The following USH2A variants were observed in gnomAD, a reference collection of about 807,000 sequenced individuals.
USH2A encodes usherin, also known as Usher syndrome 2A (autosomal recessive, mild).
A neutral mutation model predicts 538.9 loss-of-function variants in USH2A; 443 were observed. The observed-to-expected ratio is 0.82, with a 90% CI of 0.76 to 0.89. USH2A has a LOEUF of 0.89. Among genes scored for constraint, USH2A ranks in the 40% least tolerant of loss-of-function variants. USH2A has a pLI of 0.00. For synonymous variants in USH2A, 2,413 were observed against 2,273.5 expected (o/e 1.06, Z -1.75); for missense variants, 6,633 against 6,324.8 (o/e 1.05, Z -1.65).
At chr1:215,733,990 G>A (rs986012055) in intron 60 of USH2A, among the ~76,000 whole-genome samples, 2 of 152,212 alleles carry the variant, frequency 1.3e-5, no homozygotes, top group African/African-American at 4.8e-5. Flanking sequence ...GCGCCCTGAT[G>A]GAGACTCTGT....
intron 37 of USH2A, among the ~76,000 whole-genome samples, chr1:215,944,786 ACATT>A (rs1666717632): frequency 6.6e-6 from 1 of 152,144 alleles, no homozygotes; most frequent in Non-Finnish European, 1.5e-5. Context: ...CTTTTTTACA[ACATT>A]CAAAGTTATA....
At chr1:216,321,070 A>G (rs2037598569) in intron 9 of USH2A, among the ~76,000 whole-genome samples, 1 of 152,152 alleles carries the variant, frequency 6.6e-6, no homozygotes, top group Non-Finnish European at 1.5e-5. Flanking sequence ...TTTTTCACTA[A>G]AAGTTTAAGC....
At chr1:215,640,764 AG>A (rs774393608) in intron 67 of USH2A, 30 bp from the exon 68 acceptor site, 1 of 1,611,766 alleles carries the variant, frequency 6.2e-7, no homozygotes, top group South Asian at 1.1e-5. Flanking sequence ...TGTTCTAAAA[AG>A]GGTAACCTCT....
intron 52 of USH2A, among the ~76,000 whole-genome samples, chr1:215,784,513 G>A (rs1163527045): frequency 6.6e-6 from 1 of 151,960 alleles, no homozygotes; most frequent in Non-Finnish European, 1.5e-5. Flanking sequence ...AAAAATTATT[G>A]TTTGTCATCA....
intron 22 of USH2A, among the ~76,000 whole-genome samples, 186 bp from the exon 23 acceptor site, chr1:216,089,325 T>C (rs2032234642): frequency 6.6e-6 from 1 of 152,130 alleles, no homozygotes; most frequent in African/African-American, 2.4e-5. Flanking sequence ...CTGTGATGTA[T>C]TAATACTTCC....
Position 216,423,361 on chromosome 1 carries a change from T to C in USH2A, c.-352A>G, listed in dbSNP as rs1558082940. 6.6e-6 allele frequency: 1 copy of C among 152,152 alleles called. No individual in the cohort carries two copies. The highest frequency in any genetic ancestry group is 2.4e-5 in the African/African-American group (1 of 41,430). The allele number at this position is 152,152 out of a possible 1,614,324, so 9.4% of individuals were successfully genotyped here. A position where few individuals can be genotyped will look rare whatever the true frequency, so the allele number is the denominator to read the frequency against. ...GCAGCAGGAATGCTGGAAGGAAGAC[T>C]TGGGTGCCCAGGTAAAGTATTCTGC... is the stretch of plus-strand genomic sequence containing the variant. On this transcript the variant is annotated 5_prime_UTR_variant, in exon 1 of 72. Coordinates refer to ENST00000307340, the MANE Select transcript of USH2A (RefSeq NM_206933.4).
chr1:215,882,051 T>G (rs975628287), intron 41 of USH2A, among the ~76,000 whole-genome samples: 5 of 152,218 alleles, frequency 3.3e-5, no homozygotes, highest in African/African-American at 4.8e-5. Context: ...AGTAAGCAAC[T>G]TCCTCACTTC....
chr1:216,415,508 C>CTTTTTTTTTTTTTTTT (rs71161423), intron 3 of USH2A, among the ~76,000 whole-genome samples: 6 of 96,908 alleles, frequency 6.2e-5, no homozygotes, highest in African/African-American at 1.5e-4. Context: ...CTTCCTGTCA[C>CTTTTTTTTTTTTTTTT]TTTTTTTTTT....
At chr1:216,309,690 A>G (rs536825057) in intron 9 of USH2A, among the ~76,000 whole-genome samples, 10 of 152,150 alleles carry the variant, frequency 6.6e-5, no homozygotes, top group African/African-American at 2.2e-4. Flanking sequence ...GTTTTTATAC[A>G]TATTTTCTAT....
intron 41 of USH2A, among the ~76,000 whole-genome samples, chr1:215,883,971 A>G (rs1157669920): frequency 6.6e-6 from 1 of 152,130 alleles, no homozygotes; most frequent in Non-Finnish European, 1.5e-5. Context: ...CAAACACCTC[A>G]TGTTCCAAAC....
chr1:216,331,111 G>A (rs1392847313), intron 4 of USH2A, among the ~76,000 whole-genome samples: 1 of 152,014 alleles, frequency 6.6e-6, no homozygotes, highest in Non-Finnish European at 1.5e-5. Flanking sequence ...GTTACAGCAA[G>A]TTTTCTAAAG....
chr1:216,015,001 C>A (rs905370528), intron 32 of USH2A, among the ~76,000 whole-genome samples: 1 of 152,046 alleles, frequency 6.6e-6, no homozygotes, highest in African/African-American at 2.4e-5. Flanking sequence ...TTTTTTGCTT[C>A]TTTATGATCT....
At chr1:216,134,205 G>A (rs992118252) in intron 21 of USH2A, among the ~76,000 whole-genome samples, 1 of 152,006 alleles carries the variant, frequency 6.6e-6, no homozygotes, top group Non-Finnish European at 1.5e-5. Flanking sequence ...CCAGAGGAAA[G>A]CATATAGAAC....
chr1:215,888,338 T>G, intron 41 of USH2A, 88 bp downstream of exon 41: 1 of 1,589,954 alleles, frequency 6.3e-7, no homozygotes, highest in Non-Finnish European at 8.5e-7. Flanking sequence ...ATGCGTTTGT[T>G]TAGTCAGTAG....
At chr1:216,074,219 G>A (rs2031669335) in intron 27 of USH2A, among the ~76,000 whole-genome samples, 1 of 152,164 alleles carries the variant, frequency 6.6e-6, no homozygotes, top group African/African-American at 2.4e-5. Flanking sequence ...ATGCTATTTT[G>A]TGAAAACAGA....
At chr1:216,370,095 G>C (rs113760772) in intron 3 of USH2A, among the ~76,000 whole-genome samples, 1 of 151,894 alleles carries the variant, frequency 6.6e-6, no homozygotes, top group Admixed American at 6.6e-5. Flanking sequence ...ACAATGGCGC[G>C]TGCCTGTAAT....
chr1:215,821,664 T>C (rs760753899), intron 47 of USH2A, among the ~76,000 whole-genome samples: 3 of 151,772 alleles, frequency 2.0e-5, no homozygotes, highest in Non-Finnish European at 2.9e-5. Flanking sequence ...GTTTTTGAGA[T>C]CTTACACAAA....
At chr1:215,926,614 CT>C (rs10673615) in intron 38 of USH2A, among the ~76,000 whole-genome samples, 62 of 75,848 alleles carry the variant, frequency 8.2e-4, no homozygotes, top group Non-Finnish European at 1.2e-3. Context: ...ACCTACCTAT[CT>C]TTTTTTTTTT....
chr1:216,166,087 T>A (rs953367521), intron 21 of USH2A, among the ~76,000 whole-genome samples: 1 of 152,054 alleles, frequency 6.6e-6, no homozygotes, highest in Non-Finnish European at 1.5e-5. Context: ...AGAGTAATTG[T>A]TGGTTTCTAT....
Sources: allele counts gnomAD v4.1 joint callset (sites outside exome capture counted in the v4.1 genomes callset), GRCh38; gene constraint gnomAD v4.1.1; transcripts MANE v1.5; gene names NCBI Gene and HGNC (gene_info 2026-07-23, HGNC 2026-07-21).